Variants in TYW1B observed in about 807,000 individuals in gnomAD.
TYW1B encodes S-adenosyl-L-methionine-dependent tRNA 4-demethylwyosine synthase TYW1B.
Under a neutral mutation model 86.9 loss-of-function variants are expected in TYW1B, and 73 were observed. The observed-to-expected ratio is 0.84, with a 90% CI of 0.70 to 1.02. The LOEUF is 1.02. Among genes scored for constraint, TYW1B ranks in the 50% least tolerant of loss-of-function variants. The probability of loss-of-function intolerance (pLI) is 0.00; values close to 1 mark genes in which losing one functional copy is unlikely to be tolerated. For missense variants in TYW1B, 637 were observed against 827.4 expected (o/e 0.77, Z 2.82); for synonymous variants, 248 against 292.8 (o/e 0.85, Z 1.56).
intron 13 of TYW1B, among the ~76,000 whole-genome samples, chr7:72,604,318 C>T (rs1358735968): frequency 6.6e-6 from 1 of 151,906 alleles, no homozygotes; most frequent in Non-Finnish European, 1.5e-5. Context: ...CAAAAGTAGC[C>T]GGGCGTGGTG....
chr7:72,772,211 A>T (rs1554469786), intron 7 of TYW1B, among the ~76,000 whole-genome samples: 1 of 151,976 alleles, frequency 6.6e-6, no homozygotes, highest in East Asian at 1.9e-4. Flanking sequence ...TCTCTAACAG[A>T]TCTCATAGGT....
chr7:72,806,526 C>T (rs1346041751), intron 5 of TYW1B, among the ~76,000 whole-genome samples: 6 of 151,702 alleles, frequency 4.0e-5, no homozygotes, highest in East Asian at 1.9e-4. Context: ...CGTGAGCCAC[C>T]GTGCCCGGCC....
rs1455270743 is a variant in TYW1B at position 72,574,905 on chromosome 7, C to T, written c.*593G>A. 1.2e-5 allele frequency: 12 copies of T among 985,904 alleles called. No homozygotes were observed. Among genetic ancestry groups the T allele is most frequent in the Non-Finnish European group, 1.4e-5 (12 of 830,490 alleles). 61.1% of individuals were successfully genotyped at this position (985,904 alleles called of 1,614,324 possible). On this transcript the variant is annotated 3_prime_UTR_variant, in exon 14 of 14. Transcript: ENST00000620995. ...GGATGAGATCTAGTAGTTTTAGATC[C>T]GATGCAATTTTGGGAAGGGTTAGTA... is the stretch of plus-strand genomic sequence containing the variant.
chr7:72,808,797 C>T (rs1312087460), intron 4 of TYW1B, among the ~76,000 whole-genome samples: 1 of 151,758 alleles, frequency 6.6e-6, no homozygotes, highest in Admixed American at 6.6e-5. Flanking sequence ...AAAGTGCTGG[C>T]ATTACAGGCT....
intron 11 of TYW1B, among the ~76,000 whole-genome samples, chr7:72,655,392 C>A (rs1363610092): frequency 2.0e-5 from 3 of 152,162 alleles, no homozygotes; most frequent in African/African-American, 7.2e-5. Context: ...ACACCAGGAG[C>A]CCCAAGCAAC....
At chr7:72,698,044 T>C (rs1344839260) in intron 10 of TYW1B, 2 of 153,926 alleles carry the variant, frequency 1.3e-5, no homozygotes, top group Non-Finnish European at 2.9e-5. Context: ...AGCTCCTCCT[T>C]GGGATAAAAA....
chr7:72,630,079 G>A (rs1459385170), intron 11 of TYW1B, among the ~76,000 whole-genome samples: 3 of 152,088 alleles, frequency 2.0e-5, no homozygotes, highest in Non-Finnish European at 4.4e-5. Context: ...AGGAGTTTGA[G>A]ACCAGCCTGG....
intron 9 of TYW1B, among the ~76,000 whole-genome samples, chr7:72,714,383 A>C (rs558929169): frequency 6.6e-6 from 1 of 152,166 alleles, no homozygotes; most frequent in Admixed American, 6.5e-5. Flanking sequence ...TTGGGAGGCC[A>C]AGGCAGGAGG....
chr7:72,672,652 A>G (rs781989778), intron 11 of TYW1B, among the ~76,000 whole-genome samples: 1 of 152,158 alleles, frequency 6.6e-6, no homozygotes, highest in Non-Finnish European at 1.5e-5. Flanking sequence ...AACTTTTCAT[A>G]TCTGTGGGTT....
intron 7 of TYW1B, among the ~76,000 whole-genome samples, chr7:72,747,378 A>G (rs1787414118): frequency 6.6e-6 from 1 of 152,202 alleles, no homozygotes; most frequent in African/African-American, 2.4e-5. Flanking sequence ...TGAAACTGTA[A>G]GTCCAACTGA....
chr7:72,718,047 T>C (rs1374486181), intron 9 of TYW1B, among the ~76,000 whole-genome samples: 1 of 152,056 alleles, frequency 6.6e-6, no homozygotes, highest in Admixed American at 6.6e-5. Flanking sequence ...CTATTCACAA[T>C]AGCTAAAAGT....
At position 72,676,855 on chromosome 7, in the gene TYW1B, A is replaced by G. The variant is rs1585895593; in HGVS notation, c.1506+17832T>C. Among the ~76,000 whole-genome samples, 4 of 152,178 alleles carry G rather than the reference A, an allele frequency of 2.6e-5. No homozygotes were observed. The South Asian group carries it at 8.3e-4, about 32-fold the overall frequency. ...TGCCTGTAATCTCAGATACTTGGGAAGCTGAGGTGGGAGGATCGCTTGAAC... is the reference window on the plus strand; with the variant it reads ...TGCCTGTAATCTCAGATACTTGGGAGGCTGAGGTGGGAGGATCGCTTGAAC... On this transcript the variant is annotated intron_variant, in intron 11 of 13. Transcript: ENST00000620995.
chr7:72,717,471 TAGAG>T (rs1363981936), intron 9 of TYW1B, among the ~76,000 whole-genome samples: 1 of 152,004 alleles, frequency 6.6e-6, no homozygotes, highest in African/African-American at 2.4e-5. Flanking sequence ...TCCTCATAGA[TAGAG>T]AATGATCTGT....
chr7:72,612,043 T>TTC (rs782718046), intron 13 of TYW1B, among the ~76,000 whole-genome samples: 1 of 151,886 alleles, frequency 6.6e-6, no homozygotes, highest in East Asian at 1.9e-4. Flanking sequence ...TCTTCTCTTT[T>TTC]TCTCTCTCTC....
intron 7 of TYW1B, among the ~76,000 whole-genome samples, chr7:72,766,606 T>A (rs1212308898): frequency 2.3e-5 from 2 of 86,340 alleles, no homozygotes; most frequent in African/African-American, 9.6e-5. Context: ...AGAGTGAGAT[T>A]CAGTCTCAAA....
chr7:72,671,058 G>C (rs782500279), intron 11 of TYW1B, among the ~76,000 whole-genome samples: 6 of 152,072 alleles, frequency 3.9e-5, no homozygotes, highest in Non-Finnish European at 8.8e-5. Context: ...AGTTCTTCTA[G>C]TTTCTGGGGA....
At chr7:72,812,722 C>G (rs1212174997) in intron 3 of TYW1B, among the ~76,000 whole-genome samples, 30 of 146,294 alleles carry the variant, frequency 2.1e-4, no homozygotes, top group Non-Finnish European at 4.2e-4. Flanking sequence ...TTTTTTGAGA[C>G]AGAGTCTCAC....
intron 11 of TYW1B, among the ~76,000 whole-genome samples, chr7:72,661,821 GTT>G (rs1348869324): frequency 1.3e-5 from 2 of 151,930 alleles, no homozygotes; most frequent in Non-Finnish European, 2.9e-5. Flanking sequence ...GCAGGTGGTA[GTT>G]TTTTTGTTTT....
intron 6 of TYW1B, among the ~76,000 whole-genome samples, chr7:72,781,259 G>C (rs1302892091): frequency 6.6e-6 from 1 of 152,068 alleles, no homozygotes; most frequent in African/African-American, 2.4e-5. Flanking sequence ...AAAGGGCTCT[G>C]ATCAGGGAAA....
Sources: allele counts gnomAD v4.1 joint callset (sites outside exome capture counted in the v4.1 genomes callset), GRCh38; gene constraint gnomAD v4.1.1; transcripts MANE v1.5; gene names NCBI Gene and HGNC (gene_info 2026-07-23, HGNC 2026-07-21).